Variants in POLR3A observed in about 807,000 individuals in gnomAD.
POLR3A encodes DNA-directed RNA polymerase III subunit RPC1.
A neutral mutation model predicts 152.8 loss-of-function variants in POLR3A; 112 were observed. The observed-to-expected ratio is 0.73, with a 90% CI of 0.63 to 0.86. The LOEUF is 0.86. POLR3A is among the 40% of genes least tolerant of loss of function. The pLI, the probability that POLR3A is intolerant of heterozygous loss-of-function variation, is 0.00. For missense variants in POLR3A, 1,385 were observed against 1,743.1 expected (o/e 0.79, Z 3.66); for synonymous variants, 615 against 652.1 (o/e 0.94, Z 0.87).
intron 29 of POLR3A, 98 bp downstream of exon 29, chr10:77,981,330 G>A: frequency 8.8e-7 from 1 of 1,142,200 alleles, no homozygotes; most frequent in Non-Finnish European, 1.3e-6. Flanking sequence ...GGTCCTCACA[G>A]CAGCGTATTC....
chr10:77,981,351 A>G, intron 29 of POLR3A, 77 bp downstream of exon 29: 1 of 1,393,964 alleles, frequency 7.2e-7, no homozygotes, highest in Non-Finnish European at 1.0e-6. Context: ...TACATGTCTT[A>G]GAAACTCCAC....
At chr10:78,016,558 A>G (rs1847525785) in intron 10 of POLR3A, among the ~76,000 whole-genome samples, 1 of 152,120 alleles carries the variant, frequency 6.6e-6, no homozygotes, top group Non-Finnish European at 1.5e-5. Flanking sequence ...AACTAAAAAT[A>G]CAAACATTAG....
chr10:77,981,620 C>T, intron 28 of POLR3A, 61 bp from the exon 29 acceptor site: 2 of 1,576,444 alleles, frequency 1.3e-6, no homozygotes, highest in Non-Finnish European at 1.7e-6. Context: ...CAAATTCTCT[C>T]CACTTTCTCC....
rs1847584050 is a variant in POLR3A, at chr10:78,021,955, G to T, written c.953C>A (p.Ala318Asp). 4 of 1,614,092 alleles carry T rather than the reference G, an allele frequency of 2.5e-6. No homozygotes were observed. Among genetic ancestry groups the T allele is most frequent in the Non-Finnish European group, 3.4e-6 (4 of 1,179,982 alleles). ...EDWDFLQLQCALYINSELSGI... is the reference protein window; with the variant it reads ...EDWDFLQLQCDLYINSELSGI... ...CGAGAGCTCACTGTTAATGTAGAGG[G>T]CACACTGCAGCTGCAGGAAATCCCA... The change falls in exon 7 of 31, where the codon GCC becomes GAC. Residue 318 changes from alanine to aspartate, a missense_variant. By Grantham distance (126) the Ala-to-Asp change is moderately radical. This residue lies in a region of POLR3A where 493 missense variants were observed against 647.5 expected (regional missense o/e 0.76). Coordinates refer to ENST00000372371, the MANE Select transcript of POLR3A (RefSeq NM_007055.4).
Position 77,996,630 on chromosome 10 carries a change from A to G in POLR3A, c.2617-3263T>C, listed in dbSNP as rs564721999. Among the ~76,000 whole-genome samples the G allele has an allele frequency of 3.4e-3, 515 of 151,470 alleles. 5 individuals are homozygous for G. The highest frequency in any genetic ancestry group is 0.012 in the African/African-American group (482 of 41,464). ...AAACCAGGAAGAAGTTGAATCTCTG[A>G]ATAGACCAATAACAGGAGCTGAAAT... On this transcript the variant is annotated intron_variant, in intron 19 of 30. Coordinates refer to ENST00000372371, the MANE Select transcript of POLR3A (RefSeq NM_007055.4).
chr10:78,021,593 C>CTT lies in POLR3A; in HGVS notation c.1137_1138insAA (p.Val380LysfsTer2). On this transcript the variant is annotated frameshift_variant, in exon 8 of 31. Coordinates refer to ENST00000372371, the MANE Select transcript of POLR3A (RefSeq NM_007055.4). LOFTEE classifies it high-confidence loss of function. ...TTGGCCACATGAACTGGCACAGCTACCTCATCAATCCGGAGGTTGGGGTCG... is the reference window on the plus strand; with the variant it reads ...TTGGCCACATGAACTGGCACAGCTACTTCTCATCAATCCGGAGGTTGGGGTCG... 2.5e-6 allele frequency: 4 copies of CTT among 1,614,112 alleles called. No individual in the cohort carries two copies. Among genetic ancestry groups the CTT allele is most frequent in the Non-Finnish European group, 3.4e-6 (4 of 1,179,972 alleles).
chr10:78,008,011 G>C (rs1003956142), intron 14 of POLR3A, 145 bp from the exon 15 acceptor site: 3 of 534,978 alleles, frequency 5.6e-6, no homozygotes, highest in Admixed American at 3.3e-5. Context: ...CTTTTTTTTG[G>C]GGGGAGGGAG....
At chr10:78,015,818 CA>C (rs1300560269) in intron 10 of POLR3A, among the ~76,000 whole-genome samples, 8 of 151,912 alleles carry the variant, frequency 5.3e-5, no homozygotes, top group African/African-American at 1.9e-4. Flanking sequence ...CATTGCCAGT[CA>C]AAAAAACCTA....
chr10:77,987,014 G>A (rs1847204691), intron 21 of POLR3A, among the ~76,000 whole-genome samples: 1 of 152,126 alleles, frequency 6.6e-6, no homozygotes, highest in African/African-American at 2.4e-5. Context: ...CTGTGAAATA[G>A]ACCCAGCCCA....
At chr10:77,998,205 A>C (rs897542370) in intron 19 of POLR3A, among the ~76,000 whole-genome samples, 1 of 152,230 alleles carries the variant, frequency 6.6e-6, no homozygotes, top group African/African-American at 2.4e-5. Flanking sequence ...AAACCATAGA[A>C]GAAAACCTAG....
At chr10:77,982,848 A>C (rs1423118974) in intron 26 of POLR3A, 31 bp from the exon 27 acceptor site, 1 of 1,608,354 alleles carries the variant, frequency 6.2e-7, no homozygotes, top group Non-Finnish European at 8.5e-7. Context: ...GGTGTTACTG[A>C]TTCCAGTGTT....
At position 78,024,572 on chromosome 10, in the gene POLR3A, C is replaced by T. The variant is rs997300148; in HGVS notation, c.622G>A (p.Glu208Lys). ...ETAIEHNKEV[E>K]PLLGRAQENL... The stretch of plus-strand genomic sequence containing the variant: ...ACCTGTGCCCTTCCCAGCAGAGGCT[C>T]CACTTCTTTATTATGTTCAATGGCT... The change falls in exon 5 of 31, where the codon GAG becomes AAG. Residue 208 changes from glutamate (E) to lysine (K), a missense_variant. Physicochemically the swap from Glu to Lys is moderately conservative, Grantham distance 56 (BLOSUM62 1). This residue lies in a region of POLR3A where 493 missense variants were observed against 647.5 expected (regional missense o/e 0.76). Coordinates refer to ENST00000372371, the MANE Select transcript of POLR3A (RefSeq NM_007055.4). The T allele has an allele frequency of 6.2e-7, 1 of 1,613,652 alleles. No homozygotes were observed. Among genetic ancestry groups the T allele is most frequent in the South Asian group, 1.1e-5 (1 of 91,056 alleles).
In POLR3A at chr10:78,000,015, G is replaced by GT. The variant is rs774524071; in HGVS notation, c.2581dup (p.Thr861AsnfsTer7). 1 of 1,614,038 alleles carries GT rather than the reference G, an allele frequency of 6.2e-7. No individual in the cohort carries two copies. The highest frequency in any genetic ancestry group is 2.2e-5 in the East Asian group (1 of 44,878). On this transcript the variant is annotated frameshift_variant, in exon 19 of 31. Coordinates refer to ENST00000372371, the MANE Select transcript of POLR3A (RefSeq NM_007055.4). LOFTEE classifies it high-confidence loss of function. ...TCCCGTTTCAGCTGTCTTTACAGCC[G>GT]TGTCGACTAGACCTTCCCGGCCGGC...
chr10:77,991,164 C>T lies in POLR3A; in HGVS notation c.2791G>A (p.Val931Ile). ...GCAGGCTCACTGGGACACGGGAAGACTGCCTTGAGTATTAAAAGAAAATTG... is the reference window on the plus strand; with the variant it reads ...GCAGGCTCACTGGGACACGGGAAGATTGCCTTGAGTATTAAAAGAAAATTG... Reference protein sequence around the residue: ...FKRVLDNIKAVFPCPSEPALS... With the variant: ...FKRVLDNIKAIFPCPSEPALS... Residue 931 changes from valine (V) to isoleucine (I), a missense_variant, in exon 21 of 31, where the codon GTC becomes ATC. Physicochemically the swap from Val to Ile is conservative, Grantham distance 29 (BLOSUM62 3). Transcript: ENST00000372371. 1.3e-6 allele frequency: 2 copies of T among 1,598,384 alleles called. No homozygotes were observed. Among genetic ancestry groups the T allele is most frequent in the South Asian group, 1.1e-5 (1 of 90,786 alleles).
At chr10:77,990,496 C>G (rs1444424590) in intron 21 of POLR3A, among the ~76,000 whole-genome samples, 1 of 152,042 alleles carries the variant, frequency 6.6e-6, no homozygotes, top group Non-Finnish European at 1.5e-5. Context: ...GGGAAAAAAA[C>G]ATTTTTCTTC....
chr10:77,993,271 C>T lies in POLR3A; in HGVS notation c.2713G>A (p.Asp905Asn). The T allele has an allele frequency of 6.2e-7, 1 of 1,613,130 alleles. No homozygotes were observed. Among genetic ancestry groups the T allele is most frequent in the Non-Finnish European group, 8.5e-7 (1 of 1,179,070 alleles). The change falls in exon 20 of 31, where the codon GAT (aspartate) becomes AAT (asparagine). Residue 905 changes from aspartate to asparagine, a missense_variant. Transcript: ENST00000372371. The stretch of plus-strand genomic sequence containing the variant: ...TCCATAGCTGCAGGATCTAAGCCAT[C>T]TCCTCCATAAATGAACTGGATAATA... ...GDIIQFIYGG[D>N]GLDPAAMEGK...
Position 78,021,922 on chromosome 10 carries a change from G to T in POLR3A, c.986C>A (p.Pro329His). ...LYINSELSGI[P>H]LNMAPKKWTR... ...CCACTTCTTGGGTGCCATGTTGAGGGGAATGCCCGAGAGCTCACTGTTAAT... is the reference window on the plus strand; with the variant it reads ...CCACTTCTTGGGTGCCATGTTGAGGTGAATGCCCGAGAGCTCACTGTTAAT... The change falls in exon 7 of 31, where the codon CCC (proline) becomes CAC (histidine). Residue 329 changes from proline to histidine, a missense_variant. By Grantham distance (77) the Pro-to-His change is moderately conservative. Around this residue, in one of 7 missense-constraint regions of POLR3A, gnomAD observed 493 missense variants for 647.5 expected, o/e 0.76. Transcript: ENST00000372371. 1 of 1,614,110 alleles carries T rather than the reference G, an allele frequency of 6.2e-7. No individual in the cohort carries two copies. The highest frequency in any genetic ancestry group is 8.5e-7 in the Non-Finnish European group (1 of 1,180,032).
chr10:77,996,166 G>A (rs1847298317), intron 19 of POLR3A, among the ~76,000 whole-genome samples: 1 of 152,124 alleles, frequency 6.6e-6, no homozygotes. Flanking sequence ...AAAGCAGTGT[G>A]TAGAGGGAAA....
chr10:78,007,120 A>G (rs759957302), intron 15 of POLR3A, among the ~76,000 whole-genome samples: 1 of 152,194 alleles, frequency 6.6e-6, no homozygotes, highest in Non-Finnish European at 1.5e-5. Flanking sequence ...AAGAACGACA[A>G]TACCTGTTAA....
Sources: gnomAD v4.1 joint callset for allele counts (sites outside exome capture counted in the v4.1 genomes callset) on GRCh38, gnomAD v4.1.1 for gene constraint, gnomAD v4.1.1 regional missense constraint, MANE v1.5 for transcripts, NCBI Gene and HGNC (gene_info 2026-07-23, HGNC 2026-07-21) for gene names.